The following TMEM117 variants were observed in gnomAD, a reference collection of about 807,000 sequenced individuals.
TMEM117 encodes the protein transmembrane protein 117.
Under a neutral mutation model 52.4 loss-of-function variants are expected in TMEM117, and 27 were observed. The ratio of observed to expected loss-of-function variants is 0.51; its 90% confidence interval spans 0.38 to 0.71. TMEM117 has a LOEUF of 0.71. TMEM117 is among the 30% of genes least tolerant of loss of function. TMEM117 has a pLI of 0.00. For synonymous variants in TMEM117, 215 were observed against 206.3 expected (o/e 1.04, Z -0.36); for missense variants, 556 against 630.5 (o/e 0.88, Z 1.26).
intron 3 of TMEM117, among the ~76,000 whole-genome samples, chr12:44,111,660 G>T (rs1453890743): frequency 7.5e-6 from 1 of 134,126 alleles, no homozygotes; most frequent in Non-Finnish European, 1.5e-5. Context: ...GTGTGGTGTG[G>T]TGCTGAGAAA....
the TMEM117 span, among the ~76,000 whole-genome samples, chr12:43,815,945 G>T: frequency 6.6e-6 from 1 of 152,266 alleles, no homozygotes; most frequent in East Asian, 1.9e-4. Flanking sequence ...AATGTTTAGG[G>T]CTTCAAATTT....
chr12:44,036,728 T>C (rs983349975), intron 3 of TMEM117, among the ~76,000 whole-genome samples: 2 of 152,230 alleles, frequency 1.3e-5, no homozygotes, highest in African/African-American at 2.4e-5. Flanking sequence ...AGATAACAAA[T>C]ATACCTAGGA....
chr12:44,327,519 T>C (rs1252411561), intron 6 of TMEM117, among the ~76,000 whole-genome samples: 20 of 152,234 alleles, frequency 1.3e-4, no homozygotes, highest in Non-Finnish European at 2.9e-5. Context: ...GGAATCCTTA[T>C]AATGTTCATT....
chr12:43,917,033 G>A (rs1053204876), intron 2 of TMEM117, among the ~76,000 whole-genome samples: 4 of 149,126 alleles, frequency 2.7e-5, no homozygotes, highest in Non-Finnish European at 6.0e-5. Flanking sequence ...GCCTCCCTAT[G>A]CCCAGTTTTA....
At chr12:44,047,636 A>G (rs1946900697) in intron 3 of TMEM117, among the ~76,000 whole-genome samples, 1 of 152,218 alleles carries the variant, frequency 6.6e-6, no homozygotes, top group South Asian at 2.1e-4. Context: ...TAATTTTACC[A>G]GCTAAATTGA....
chr12:44,219,455 C>G (rs1949760545), intron 5 of TMEM117, among the ~76,000 whole-genome samples: 1 of 152,094 alleles, frequency 6.6e-6, no homozygotes, highest in Non-Finnish European at 1.5e-5. Flanking sequence ...ATCATTTTCT[C>G]TCAATTATGG....
chr12:44,316,728 A>C (rs909909504), intron 6 of TMEM117, among the ~76,000 whole-genome samples: 2 of 152,032 alleles, frequency 1.3e-5, no homozygotes, highest in African/African-American at 4.8e-5. Context: ...GTAATTTATA[A>C]ATTTGTTTGC....
chr12:44,044,062 A>C (rs1387432581), intron 3 of TMEM117, among the ~76,000 whole-genome samples: 2 of 152,288 alleles, frequency 1.3e-5, no homozygotes, highest in East Asian at 1.9e-4. Context: ...AGGCTTAGGG[A>C]GATTGGGATG....
At chr12:44,092,718 A>G (rs989105324) in intron 3 of TMEM117, among the ~76,000 whole-genome samples, 25 of 152,208 alleles carry the variant, frequency 1.6e-4, no homozygotes, top group Non-Finnish European at 3.1e-4. Context: ...GAAAAGCATC[A>G]GCAGTCTCCA....
chr12:43,894,318 T>G (rs1944160494), intron 2 of TMEM117, among the ~76,000 whole-genome samples: 1 of 152,250 alleles, frequency 6.6e-6, no homozygotes, highest in African/African-American at 2.4e-5. Context: ...GTAAATTCTT[T>G]GAGGGAGAGA....
At chr12:44,014,533 A>G (rs182921237) in intron 3 of TMEM117, among the ~76,000 whole-genome samples, 176 of 152,302 alleles carry the variant, frequency 1.2e-3, no homozygotes, top group African/African-American at 4.1e-3. Context: ...TAACACTTTG[A>G]AAACCACTGC....
chr12:44,220,067 T>C (rs2138422593), intron 5 of TMEM117, among the ~76,000 whole-genome samples: 1 of 152,308 alleles, frequency 6.6e-6, no homozygotes, highest in Middle Eastern at 3.4e-3. Context: ...TTTGGAAAGA[T>C]ATTTAATGAC....
At chr12:44,102,089 GAAGAACAGGAAAAGGA>G (rs1947871030) in intron 3 of TMEM117, among the ~76,000 whole-genome samples, 4 of 151,944 alleles carry the variant, frequency 2.6e-5, no homozygotes. Flanking sequence ...TTAGAATAAT[GAAGAACAGGAAAAGGA>G]ACAATTATTC....
In TMEM117 at chr12:44,303,367, T is replaced by TA. The variant is rs200892206; in HGVS notation, c.768+3632dup. Reference sequence around the variant, plus strand: ...CCCAGCTGGTATTGTAATTTTTTTTTAAAAGAAACCATTAGAATTTGGTGC... The same window carrying TA: ...CCCAGCTGGTATTGTAATTTTTTTTTAAAAAGAAACCATTAGAATTTGGTGC... On this transcript the variant is annotated intron_variant, in intron 6 of 7. Coordinates refer to ENST00000266534, the MANE Select transcript of TMEM117 (RefSeq NM_032256.3). Among the ~76,000 whole-genome samples the TA allele has an allele frequency of 2.6e-5, 4 of 152,160 alleles. No homozygotes were observed. The East Asian group carries it at 7.7e-4, about 29-fold the overall frequency.
the TMEM117 span, among the ~76,000 whole-genome samples, chr12:43,824,299 C>T: frequency 6.6e-6 from 1 of 152,222 alleles, no homozygotes; most frequent in Admixed American, 6.5e-5. Flanking sequence ...TGCCAGGATT[C>T]ATTCTGGGAG....
intron 3 of TMEM117, among the ~76,000 whole-genome samples, chr12:44,078,984 T>C (rs1424572044): frequency 2.0e-5 from 3 of 151,900 alleles, no homozygotes; most frequent in Non-Finnish European, 4.4e-5. Context: ...GTTCTTGTGT[T>C]AGTTTGTTGA....
the TMEM117 span, among the ~76,000 whole-genome samples, chr12:43,799,226 CT>C: frequency 1.3e-5 from 2 of 151,522 alleles, no homozygotes; most frequent in African/African-American, 2.4e-5. Context: ...TTCATTTTAA[CT>C]TTTTTTTTCT....
At chr12:44,059,058 C>A (rs1947099664) in intron 3 of TMEM117, among the ~76,000 whole-genome samples, 1 of 152,084 alleles carries the variant, frequency 6.6e-6, no homozygotes, top group African/African-American at 2.4e-5. Context: ...CTAGATTGCT[C>A]ACATGCACAG....
intron 3 of TMEM117, among the ~76,000 whole-genome samples, chr12:43,969,247 G>A (rs900536179): frequency 2.0e-5 from 3 of 151,252 alleles, no homozygotes; most frequent in South Asian, 2.1e-4. Flanking sequence ...TTGGCCGGGC[G>A]CGGTGGCTCA....
Sources: gnomAD v4.1 joint callset for allele counts (sites outside exome capture counted in the v4.1 genomes callset) on GRCh38, gnomAD v4.1.1 for gene constraint, MANE v1.5 for transcripts, NCBI Gene and HGNC (gene_info 2026-07-23, HGNC 2026-07-21) for gene names.